Variants in DAB1 observed in about 807,000 individuals in gnomAD.
The protein encoded by DAB1 is disabled homolog 1.
DAB1 carries 15 observed loss-of-function variants against 64.6 expected under a neutral mutation model. The ratio of observed to expected loss-of-function variants is 0.23; its 90% CI spans 0.16 to 0.36. The LOEUF (loss-of-function observed/expected upper bound fraction) is 0.36, where lower values mean the gene tolerates loss of function less well. Among genes scored for constraint, DAB1 ranks in the 10% least tolerant of loss-of-function variants. The pLI is 1.00. For synonymous variants in DAB1, 235 were observed against 251.9 expected, an observed-to-expected ratio of 0.93 and a Z score of 0.64; for missense variants, 596 against 706.7, an observed-to-expected ratio of 0.84 and a Z score of 1.78.
At chr1:57,724,187 T>G (rs1163466729) in intron 6 of DAB1, among the ~76,000 whole-genome samples, 1 of 151,650 alleles carries the variant, frequency 6.6e-6, no homozygotes, top group African/African-American at 2.4e-5. Context: ...CACTTACACT[T>G]TCAAATTCTC....
intron 1 of DAB1, among the ~76,000 whole-genome samples, chr1:57,320,914 C>A (rs1005725695): frequency 1.3e-5 from 2 of 152,168 alleles, no homozygotes; most frequent in Non-Finnish European, 2.9e-5. Context: ...AATTTAAATC[C>A]AAGCAGTCTG....
chr1:58,443,565 T>C (rs920617806), intron 3 of DAB1, among the ~76,000 whole-genome samples: 24 of 152,226 alleles, frequency 1.6e-4, no homozygotes, highest in Non-Finnish European at 4.4e-5. Flanking sequence ...AATGTACCAA[T>C]GTTAATTCCA....
At chr1:57,054,767 G>A (rs575156162) in intron 9 of DAB1, among the ~76,000 whole-genome samples, 16 of 152,156 alleles carry the variant, frequency 1.1e-4, no homozygotes, top group Admixed American at 2.0e-4. Context: ...CGTGTGCCAC[G>A]GCACCCGGCC....
At chr1:57,148,592 T>G (rs1283359879) in intron 2 of DAB1, among the ~76,000 whole-genome samples, 1 of 152,226 alleles carries the variant, frequency 6.6e-6, no homozygotes, top group Admixed American at 6.5e-5. Context: ...CCAGACTATG[T>G]TACTGAAAAC....
chr1:57,186,879 G>C (rs1458156321), intron 2 of DAB1, among the ~76,000 whole-genome samples: 4 of 152,116 alleles, frequency 2.6e-5, no homozygotes, highest in Non-Finnish European at 5.9e-5. Context: ...CTGAATAACA[G>C]ACTGGCAACT....
intron 5 of DAB1, among the ~76,000 whole-genome samples, chr1:57,957,085 G>C (rs1384956858): frequency 1.3e-5 from 2 of 152,224 alleles, no homozygotes; most frequent in Non-Finnish European, 1.5e-5. Context: ...GGAAAATTTT[G>C]AAAGGAGGAG....
In DAB1 at chr1:58,304,856, C is replaced by T. The variant is rs190213805; in HGVS notation, n.309+38496G>A. Among the ~76,000 whole-genome samples the T allele has an allele frequency of 2.8e-3, 420 of 151,972 alleles. 2 individuals carry two copies. The highest frequency in any genetic ancestry group is 6.8e-3 in the Middle Eastern group (2 of 294). ...AATAACGATGATCATTTCTGTATTCCCTTCCACTCTCTTTTCACATGCATA... is the reference window on the plus strand; with the variant it reads ...AATAACGATGATCATTTCTGTATTCTCTTCCACTCTCTTTTCACATGCATA... On this transcript the variant is annotated intron_variant and non_coding_transcript_variant, in intron 4 of 20. Coordinates refer to the DAB1 transcript ENST00000485760.
At chr1:57,775,813 A>G (rs723573) in intron 6 of DAB1, among the ~76,000 whole-genome samples, 26,399 of 151,530 alleles carry the variant, frequency 0.17, 2,977 homozygotes, top group Admixed American at 0.29. Context: ...TAATTTCACA[A>G]TTTAACGGTA....
At chr1:57,883,869 G>T (rs1644183814) in intron 1 of DAB1, 1 of 152,178 alleles carries the variant, frequency 6.6e-6, no homozygotes, top group Non-Finnish European at 1.5e-5. Context: ...CTACAGAGAG[G>T]CAGTTCCAGA....
intron 5 of DAB1, among the ~76,000 whole-genome samples, chr1:58,082,064 A>T (rs910713109): frequency 6.6e-6 from 1 of 152,216 alleles, no homozygotes; most frequent in African/African-American, 2.4e-5. Context: ...AGAAAGTAAG[A>T]GAAGCCCAGA....
chr1:57,190,078 C>T (rs568555276), intron 2 of DAB1, among the ~76,000 whole-genome samples: 2 of 152,142 alleles, frequency 1.3e-5, no homozygotes, highest in Non-Finnish European at 2.9e-5. Flanking sequence ...TAGTGGTTCT[C>T]AAACCTGAGT....
At chr1:57,796,419 C>T (rs1650867525) in intron 6 of DAB1, among the ~76,000 whole-genome samples, 1 of 151,754 alleles carries the variant, frequency 6.6e-6, no homozygotes, top group South Asian at 2.1e-4. Flanking sequence ...CCCAACTACT[C>T]GGGAGGCTGA....
intron 4 of DAB1, among the ~76,000 whole-genome samples, chr1:58,268,112 TA>T (rs1661217711): frequency 1.3e-5 from 2 of 152,228 alleles, no homozygotes; most frequent in Non-Finnish European, 2.9e-5. Context: ...TTACTAAAGT[TA>T]CTTACTCACT....
At chr1:57,097,127 T>C (rs1356134658) in intron 4 of DAB1, among the ~76,000 whole-genome samples, 1 of 152,210 alleles carries the variant, frequency 6.6e-6, no homozygotes, top group Non-Finnish European at 1.5e-5. Context: ...GATAAATGCA[T>C]GGATAGATGA....
chr1:58,533,304 C>G (rs777931824), intron 1 of DAB1, among the ~76,000 whole-genome samples: 1 of 152,174 alleles, frequency 6.6e-6, no homozygotes, highest in Admixed American at 6.5e-5. Flanking sequence ...AGAAGACCCA[C>G]GTTAAAGTCC....
At chr1:57,402,509 T>G (rs1683328736) in intron 1 of DAB1, among the ~76,000 whole-genome samples, 1 of 152,198 alleles carries the variant, frequency 6.6e-6, no homozygotes, top group South Asian at 2.1e-4. Context: ...AAGATATTGC[T>G]GCAATACACC....
intron 7 of DAB1, among the ~76,000 whole-genome samples, chr1:57,634,730 A>G (rs1281276705): frequency 6.6e-6 from 1 of 152,264 alleles, no homozygotes; most frequent in African/African-American, 2.4e-5. Context: ...AAAAGGTATA[A>G]TGAAAATCTT....
chr1:58,300,569 A>T (rs1463736790), intron 4 of DAB1, among the ~76,000 whole-genome samples: 1 of 13,714 alleles, frequency 7.3e-5, no homozygotes, highest in African/African-American at 2.7e-4. Flanking sequence ...AGAAAGAAAG[A>T]AAGAAAGAAA....
intron 6 of DAB1, among the ~76,000 whole-genome samples, chr1:57,664,420 T>C (rs1417323406): frequency 6.6e-6 from 1 of 152,238 alleles, no homozygotes; most frequent in African/African-American, 2.4e-5. Flanking sequence ...TTATTTATCT[T>C]TCTTTTCCAA....
Sources: gnomAD v4.1 joint callset for allele counts (sites outside exome capture counted in the v4.1 genomes callset) on GRCh38, gnomAD v4.1.1 for gene constraint, MANE v1.5 for transcripts, NCBI Gene and HGNC (gene_info 2026-07-23, HGNC 2026-07-21) for gene names.